MYO5A: variants seen among roughly 807,000 people sequenced by gnomAD.
MYO5A encodes unconventional myosin-Va.
Under a neutral mutation model 249.7 loss-of-function variants are expected in MYO5A, and 98 were observed. The ratio of observed to expected loss-of-function variants is 0.39; its 90% CI spans 0.33 to 0.46. The LOEUF is 0.46. Ranked by LOEUF, MYO5A falls within the 20% of genes least tolerant of loss-of-function variation. The pLI is 0.98. For missense variants in MYO5A, 1,696 were observed against 2,308.8 expected (o/e 0.73, Z 5.44); for synonymous variants, 778 against 810.6 (o/e 0.96, Z 0.68).
intron 9 of MYO5A, among the ~76,000 whole-genome samples, chr15:52,404,865 T>C (rs2042928344): frequency 6.6e-6 from 1 of 152,164 alleles, no homozygotes; most frequent in Non-Finnish European, 1.5e-5. Context: ...TTTCATGTCA[T>C]ATCATGCCAA....
chr15:52,412,258 A>G (rs2043282587), intron 5 of MYO5A, among the ~76,000 whole-genome samples: 2 of 151,966 alleles, frequency 1.3e-5, no homozygotes, highest in African/African-American at 4.8e-5. Context: ...CTCTTACCCC[A>G]CCTTCCACAT....
At chr15:52,349,661 T>C (rs1363294916) in intron 28 of MYO5A, among the ~76,000 whole-genome samples, 4 of 152,234 alleles carry the variant, frequency 2.6e-5, no homozygotes, top group African/African-American at 9.6e-5. Flanking sequence ...GATTACCACA[T>C]TGCAACCCCA....
At chr15:52,398,825 C>G (rs988283056) in intron 9 of MYO5A, among the ~76,000 whole-genome samples, 3 of 151,962 alleles carry the variant, frequency 2.0e-5, no homozygotes, top group African/African-American at 7.3e-5. Flanking sequence ...CCTGTCTCTA[C>G]CAAAAATACA....
Position 52,525,009 on chromosome 15 carries a change from C to T in MYO5A, c.27+3771G>A, listed in dbSNP as rs145539033. On this transcript the variant is annotated intron_variant, in intron 1 of 41. Coordinates refer to ENST00000399233, the MANE Select transcript of MYO5A (RefSeq NM_001382347.1). ...AGCATGCCATTCATTATAATGTTCC[C>T]GATAATCCTTCTAGGTCTAATTGAT... Among the ~76,000 whole-genome samples, 78 of 152,022 alleles carry T rather than the reference C, an allele frequency of 5.1e-4. 1 individual carries two copies. In the East Asian group the frequency reaches 7.1e-3, roughly 14 times the overall value.
chr15:52,461,879 T>C (rs144687910), intron 1 of MYO5A, among the ~76,000 whole-genome samples: 3,643 of 150,914 alleles, frequency 0.024, 134 homozygotes, highest in African/African-American at 0.085. Context: ...GAGAATTGCT[T>C]GAACCTGGAA....
rs375254191 is a variant in MYO5A, at chr15:52,327,979, T to G, written c.4583A>C (p.Asn1528Thr). 25 of 1,613,692 alleles carry G rather than the reference T, an allele frequency of 1.5e-5. No individual in the cohort carries two copies. Among genetic ancestry groups the G allele is most frequent in the Non-Finnish European group, 2.1e-5 (25 of 1,179,760 alleles). ...ATATGCCGGTAATCCTGGAATCAAATTGACTGCTACACCACGTGGCTTCAG... is the reference window on the plus strand; with the variant it reads ...ATATGCCGGTAATCCTGGAATCAAAGTGACTGCTACACCACGTGGCTTCAG... ...LELKPRGVAV[N>T]LIPGLPAYIL... is the part of the protein sequence containing the mutation. Residue 1528 changes from asparagine (N) to threonine (T), a missense_variant, in exon 36 of 42, where the codon AAT becomes ACT. Coordinates refer to ENST00000399233, the MANE Select transcript of MYO5A (RefSeq NM_001382347.1).
intron 13 of MYO5A, 115 bp downstream of exon 13, chr15:52,389,123 T>C: frequency 9.1e-7 from 1 of 1,093,100 alleles, no homozygotes; most frequent in Middle Eastern, 3.0e-4. Context: ...CTGCTGTCCC[T>C]TGAGCCCTAA....
chr15:52,334,579 T>C (rs1348381313), intron 34 of MYO5A, among the ~76,000 whole-genome samples: 1 of 152,240 alleles, frequency 6.6e-6, no homozygotes, highest in Non-Finnish European at 1.5e-5. Flanking sequence ...AATATTTCAG[T>C]ATTTGTACAT....
At chr15:52,386,748 A>G (rs2041990787) in intron 14 of MYO5A, among the ~76,000 whole-genome samples, 1 of 152,066 alleles carries the variant, frequency 6.6e-6, no homozygotes, top group East Asian at 1.9e-4. Flanking sequence ...GGGTTTTGCC[A>G]TGTTGCTCAG....
In MYO5A at chr15:52,528,817, G is replaced by A. The variant is rs1193949352; in HGVS notation, c.-11C>T. 6.7e-7 allele frequency: 1 copy of A among 1,485,910 alleles called. No individual in the cohort carries two copies. The highest frequency in any genetic ancestry group is 8.9e-7 in the Non-Finnish European group (1 of 1,124,154). 92.0% of individuals were successfully genotyped at this position (1,485,910 alleles called of 1,614,324 possible). ...CTCCGACGCAGCCATGGCGGGCCCCGCGCGCCTACGCCCCCCGCCTGTGCG... is the reference window on the plus strand; with the variant it reads ...CTCCGACGCAGCCATGGCGGGCCCCACGCGCCTACGCCCCCCGCCTGTGCG... On this transcript the variant is annotated 5_prime_UTR_variant, in exon 1 of 42. Transcript: ENST00000399233.
intron 32 of MYO5A, among the ~76,000 whole-genome samples, chr15:52,338,521 TATAGAA>T (rs2039230263): frequency 1.3e-5 from 2 of 152,162 alleles, no homozygotes; most frequent in Non-Finnish European, 2.9e-5. Context: ...AAGTGTTTCT[TATAGAA>T]ATGCACAATT....
chr15:52,374,810 G>C (rs907648117), intron 20 of MYO5A, among the ~76,000 whole-genome samples: 10 of 152,202 alleles, frequency 6.6e-5, no homozygotes, highest in African/African-American at 2.4e-4. Flanking sequence ...AACTCTGAGA[G>C]AATTAATTTT....
At chr15:52,352,079 C>T (rs2039982429) in intron 27 of MYO5A, among the ~76,000 whole-genome samples, 1 of 152,220 alleles carries the variant, frequency 6.6e-6, no homozygotes, top group Non-Finnish European at 1.5e-5. Context: ...CTGTGTGACG[C>T]ACTTGTGACA....
At chr15:52,356,284 A>G (rs1336741648) in intron 25 of MYO5A, among the ~76,000 whole-genome samples, 1 of 152,154 alleles carries the variant, frequency 6.6e-6, no homozygotes, top group Non-Finnish European at 1.5e-5. Flanking sequence ...TTCTGATATG[A>G]GAACAGAATA....
chr15:52,364,786 C>G (rs2040730751), intron 23 of MYO5A, 84 bp from the exon 24 acceptor site: 2 of 1,506,928 alleles, frequency 1.3e-6, no homozygotes, highest in Non-Finnish European at 1.8e-6. Context: ...TTTCCAGTTT[C>G]TCTGTAGGCA....
chr15:52,395,021 A>G (rs926470341), intron 11 of MYO5A, among the ~76,000 whole-genome samples: 2 of 152,204 alleles, frequency 1.3e-5, no homozygotes, highest in Non-Finnish European at 2.9e-5. Flanking sequence ...AAGTTTTTTC[A>G]AAGTATATGG....
chr15:52,433,009 C>T (rs914965546), intron 2 of MYO5A, among the ~76,000 whole-genome samples, 166 bp downstream of exon 2: 6 of 152,240 alleles, frequency 3.9e-5, no homozygotes, highest in Non-Finnish European at 7.3e-5. Flanking sequence ...ATTAAAAACA[C>T]TATCAGGATA....
intron 4 of MYO5A, among the ~76,000 whole-genome samples, chr15:52,420,037 G>A (rs1016585563): frequency 3.3e-5 from 5 of 152,148 alleles, no homozygotes; most frequent in Non-Finnish European, 5.9e-5. Flanking sequence ...CAGGCATGGT[G>A]GCTCACGCCT....
chr15:52,510,557 C>T (rs1419259074), intron 1 of MYO5A, among the ~76,000 whole-genome samples: 2 of 152,200 alleles, frequency 1.3e-5, no homozygotes, highest in African/African-American at 2.4e-5. Context: ...AGCAATACCA[C>T]CTGAGCTCCG....
Sources: gnomAD v4.1 joint callset for allele counts (sites outside exome capture counted in the v4.1 genomes callset) on GRCh38, gnomAD v4.1.1 for gene constraint, MANE v1.5 for transcripts, NCBI Gene and HGNC (gene_info 2026-07-23, HGNC 2026-07-21) for gene names.